Variants in QRFPR observed in about 807,000 individuals in gnomAD.
The protein encoded by QRFPR is pyroglutamylated RFamide peptide receptor, also known as pyroglutamylated RF-amide peptide receptor.
A neutral mutation model predicts 31.3 loss-of-function variants in QRFPR; 37 were observed. That is an observed-to-expected ratio of 1.18 (90% CI 0.91 to 1.56). The LOEUF is 1.56. Among genes scored for constraint, QRFPR ranks in the 40% most tolerant of loss-of-function variants. QRFPR has a pLI of 0.00. For synonymous variants in QRFPR, 197 were observed against 192.0 expected (o/e 1.03, Z -0.22); for missense variants, 542 against 532.5 (o/e 1.02, Z -0.18).
intron 1 of QRFPR, among the ~76,000 whole-genome samples, chr4:121,376,756 G>T (rs1341822375): frequency 6.6e-6 from 1 of 152,166 alleles, no homozygotes; most frequent in South Asian, 2.1e-4. Flanking sequence ...GCTGGCGCAG[G>T]CCATTTTCAA....
chr4:121,364,693 A>G (rs692689), intron 1 of QRFPR, among the ~76,000 whole-genome samples: 145,535 of 148,950 alleles, frequency 0.98, 71,379 homozygotes, highest in East Asian at 1. Context: ...ATATGTAATT[A>G]AAGATTAAAA....
chr4:121,373,947 A>G (rs906719104), intron 1 of QRFPR, among the ~76,000 whole-genome samples: 6 of 152,236 alleles, frequency 3.9e-5, no homozygotes, highest in African/African-American at 1.4e-4. Context: ...AAAGAGAGAC[A>G]GGAGCTGTTA....
At chr4:121,336,412 T>A (rs1369639919) in intron 3 of QRFPR, among the ~76,000 whole-genome samples, 1 of 152,136 alleles carries the variant, frequency 6.6e-6, no homozygotes, top group Non-Finnish European at 1.5e-5. Context: ...CTTCTGAGAG[T>A]CAACTAAGTA....
chr4:121,351,344 T>C (rs1398908), intron 1 of QRFPR, among the ~76,000 whole-genome samples: 27,413 of 152,184 alleles, frequency 0.18, 2,774 homozygotes, highest in Non-Finnish European at 0.24. Context: ...TTCCTTCAAT[T>C]ACTTTGTAAG....
chr4:121,355,015 T>G (rs1177298780), intron 1 of QRFPR, among the ~76,000 whole-genome samples: 2 of 152,116 alleles, frequency 1.3e-5, no homozygotes, highest in Non-Finnish European at 2.9e-5. Flanking sequence ...TCAAGGATAT[T>G]GGCCTGTAGT....
At chr4:121,356,449 A>G (rs1337380721) in intron 1 of QRFPR, among the ~76,000 whole-genome samples, 1 of 151,946 alleles carries the variant, frequency 6.6e-6, no homozygotes, top group Non-Finnish European at 1.5e-5. Flanking sequence ...GTGAAGTCAT[A>G]TTTTCTTGAT....
rs1342860670 is a variant in QRFPR at position 121,370,084 on chromosome 4, A to G, written c.340+10224T>C. The G allele has an allele frequency of 6.5e-6, 5 of 771,880 alleles. No individual in the cohort carries two copies. The South Asian group carries it at 6.7e-5, about 10-fold the overall frequency. The allele number at this position is 771,880 out of a possible 1,614,324, so 47.8% of individuals were successfully genotyped here. The stretch of plus-strand genomic sequence containing the variant: ...CACTGGGAGCTTGTCCACACTGTCA[A>G]TGGCCGATGACAGGGACTGGCAGGG... On this transcript the variant is annotated intron_variant, in intron 1 of 5. Coordinates refer to ENST00000394427, the MANE Select transcript of QRFPR (RefSeq NM_198179.3).
chr4:121,360,686 C>A (rs1725971947), intron 1 of QRFPR, among the ~76,000 whole-genome samples: 1 of 152,200 alleles, frequency 6.6e-6, no homozygotes, highest in Non-Finnish European at 1.5e-5. Flanking sequence ...ATGACTCATT[C>A]ATGGGTTGCA....
At chr4:121,373,643 T>C (rs747653685) in intron 1 of QRFPR, among the ~76,000 whole-genome samples, 1 of 152,218 alleles carries the variant, frequency 6.6e-6, no homozygotes, top group Non-Finnish European at 1.5e-5. Flanking sequence ...AAAAAAATTA[T>C]ATAACACATG....
At chr4:121,334,220 G>A (rs1725391488) in intron 3 of QRFPR, among the ~76,000 whole-genome samples, 1 of 152,246 alleles carries the variant, frequency 6.6e-6, no homozygotes, top group East Asian at 1.9e-4. Context: ...TAGGGACTAC[G>A]GACTTCCTGA....
At chr4:121,337,077 T>A (rs543559011) in intron 2 of QRFPR, among the ~76,000 whole-genome samples, 2 of 152,230 alleles carry the variant, frequency 1.3e-5, no homozygotes, top group Non-Finnish European at 2.9e-5. Flanking sequence ...GTTTTAAACA[T>A]TTAATAGTGT....
intron 1 of QRFPR, among the ~76,000 whole-genome samples, chr4:121,356,021 A>C (rs1235926551): frequency 2.0e-5 from 3 of 152,142 alleles, no homozygotes; most frequent in Non-Finnish European, 4.4e-5. Flanking sequence ...GAAGAGAAGA[A>C]TGTGTAGCTG....
At chr4:121,335,281 G>A (rs531576209) in intron 3 of QRFPR, among the ~76,000 whole-genome samples, 1 of 151,768 alleles carries the variant, frequency 6.6e-6, no homozygotes, top group South Asian at 2.1e-4. Context: ...TTTTCTATGG[G>A]CTAGAAATGG....
At chr4:121,331,250 T>C (rs116371605) in intron 4 of QRFPR, among the ~76,000 whole-genome samples, 3,872 of 133,838 alleles carry the variant, frequency 0.029, 78 homozygotes, top group South Asian at 0.064. Flanking sequence ...AGTGGTGCAA[T>C]CATGGCTCAC....
rs200221839 is a variant in QRFPR, at chr4:121,331,103, C to CA, written c.798-581dup. On this transcript the variant is annotated intron_variant, in intron 4 of 5. Transcript: ENST00000394427. ...CAACATGGCAAAAACGCATCTCTAC[C>CA]AAAAAAAAATTATGAAATATGGGAA... 7.8e-3 allele frequency among the ~76,000 whole-genome samples: 1,082 copies of CA among 138,160 alleles called. 8 individuals carry two copies. Among genetic ancestry groups the CA allele is most frequent in the African/African-American group, 0.028 (1,024 of 36,734 alleles). The allele number at this position is 138,160 out of a possible 152,430, so 90.6% of individuals were successfully genotyped here.
chr4:121,349,578 A>T (rs1410650927), intron 1 of QRFPR, among the ~76,000 whole-genome samples: 1 of 152,184 alleles, frequency 6.6e-6, no homozygotes, highest in East Asian at 1.9e-4. Context: ...GTCTCATCTT[A>T]AATCCAGACA....
chr4:121,349,325 A>G (rs183726390), intron 1 of QRFPR, among the ~76,000 whole-genome samples: 1 of 152,182 alleles, frequency 6.6e-6, no homozygotes, highest in Non-Finnish European at 1.5e-5. Context: ...TTTAAAAAAT[A>G]ACTCCTGTTG....
intron 2 of QRFPR, among the ~76,000 whole-genome samples, chr4:121,338,442 AG>A (rs1725474752): frequency 6.6e-6 from 1 of 152,228 alleles, no homozygotes; most frequent in Non-Finnish European, 1.5e-5. Context: ...CATGTGGCCT[AG>A]GAAGGCTTCG....
chr4:121,372,073 C>T (rs1354833443), intron 1 of QRFPR, among the ~76,000 whole-genome samples: 1 of 152,082 alleles, frequency 6.6e-6, no homozygotes, highest in Non-Finnish European at 1.5e-5. Context: ...TGTAGCTGAA[C>T]CTTAAGTGGG....
Sources: gnomAD v4.1 joint callset for allele counts (sites outside exome capture counted in the v4.1 genomes callset) on GRCh38, gnomAD v4.1.1 for gene constraint, MANE v1.5 for transcripts, NCBI Gene and HGNC (gene_info 2026-07-23, HGNC 2026-07-21) for gene names.